The following CELF4 variants were observed in gnomAD, a reference collection of about 807,000 sequenced individuals.
CELF4 encodes CUG-BP- and ETR-3-like factor 4.
In CELF4, 18 loss-of-function variants were observed where a neutral mutation model predicts 59.9. That is an observed-to-expected ratio of 0.30 (90% CI 0.21 to 0.45). The LOEUF (loss-of-function observed/expected upper bound fraction) is 0.45. CELF4 is among the 20% of genes least tolerant of loss of function. The pLI, the probability that CELF4 is intolerant of heterozygous loss-of-function variation, is 1.00. For synonymous variants in CELF4, 261 were observed against 267.1 expected, an observed-to-expected ratio of 0.98 and a Z score of 0.22; for missense variants, 456 against 689.0, an observed-to-expected ratio of 0.66 and a Z score of 3.79.
chr18:37,488,500 G>A (rs1396462235), intron 1 of CELF4, among the ~76,000 whole-genome samples: 1 of 152,156 alleles, frequency 6.6e-6, no homozygotes, highest in Non-Finnish European at 1.5e-5. Context: ...AGCTGTTCAA[G>A]ATCTGTGGGC....
chr18:37,412,668 A>G (rs2099482678), intron 2 of CELF4, among the ~76,000 whole-genome samples: 1 of 152,112 alleles, frequency 6.6e-6, no homozygotes, highest in South Asian at 2.1e-4. Context: ...GGATGGATAG[A>G]TGAGTGCATG....
At chr18:37,550,656 C>T (rs528742722) in intron 1 of CELF4, among the ~76,000 whole-genome samples, 3 of 152,264 alleles carry the variant, frequency 2.0e-5, no homozygotes, top group Non-Finnish European at 2.9e-5. Flanking sequence ...TCAGCCCGTC[C>T]GCTGGCTGCC....
rs1569569541 is a variant in CELF4 at position 37,470,872 on chromosome 18, GTGTGTGT to G, written c.369+14646_369+14652del. ...TGTGTGTGTGTGTGTGTGTGTGTGT[GTGTGTGT>G]GTGTGTGTGACAGAGAGAGAGAGAG... On this transcript the variant is annotated intron_variant, in intron 2 of 12. Transcript: ENST00000420428. 9.7e-4 allele frequency among the ~76,000 whole-genome samples: 117 copies of G among 121,108 alleles called. 1 individual carries two copies. The highest frequency in any genetic ancestry group is 4.2e-3 in the Middle Eastern group (1 of 238). 79.5% of individuals were successfully genotyped at this position (121,108 alleles called of 152,430 possible). A position where few individuals can be genotyped will look rare whatever the true frequency, so the allele number is the denominator to read the frequency against.
intron 2 of CELF4, among the ~76,000 whole-genome samples, chr18:37,333,652 A>C (rs1603553069): frequency 1.3e-5 from 2 of 151,190 alleles, no homozygotes; most frequent in Non-Finnish European, 2.9e-5. Context: ...CCTCTCCTCC[A>C]CCCTGCCCCA....
chr18:37,448,419 C>A (rs1449525910), intron 2 of CELF4, among the ~76,000 whole-genome samples: 1 of 152,258 alleles, frequency 6.6e-6, no homozygotes, highest in Non-Finnish European at 1.5e-5. Flanking sequence ...TGCAGCCCCA[C>A]TGACAGCTGA....
chr18:37,499,377 G>T (rs943255324), intron 1 of CELF4, among the ~76,000 whole-genome samples: 9 of 152,220 alleles, frequency 5.9e-5, no homozygotes, highest in Non-Finnish European at 1.2e-4. Context: ...GGGAATGTGG[G>T]CTGGGGAGGG....
intron 2 of CELF4, among the ~76,000 whole-genome samples, chr18:37,464,537 C>A (rs2154602290): frequency 6.6e-6 from 1 of 152,330 alleles, no homozygotes; most frequent in African/African-American, 2.4e-5. Context: ...TTGTCCATTT[C>A]TGTCCCATGA....
intron 2 of CELF4, among the ~76,000 whole-genome samples, chr18:37,428,069 G>A (rs2099625207): frequency 6.6e-6 from 1 of 152,248 alleles, no homozygotes; most frequent in Non-Finnish European, 1.5e-5. Flanking sequence ...TGTTCTGGGA[G>A]CAGCAGCTAC....
At chr18:37,517,430 G>A (rs2099951955) in intron 1 of CELF4, among the ~76,000 whole-genome samples, 1 of 152,090 alleles carries the variant, frequency 6.6e-6, no homozygotes, top group Admixed American at 6.5e-5. Context: ...GGTCCTCCAG[G>A]AGCTGTCTGT....
In CELF4 at chr18:37,501,904, T is replaced by TG. The variant is rs1485887666; in HGVS notation, c.287-16298_287-16297insC. ...CCATTCCTCTCTTTCTCTCTCCATT[T>TG]TCCCCCTTCTCTCACCAAGGTTCTC... On this transcript the variant is annotated intron_variant, in intron 1 of 12. Coordinates refer to ENST00000420428, the MANE Select transcript of CELF4 (RefSeq NM_020180.4). Among the ~76,000 whole-genome samples the TG allele has an allele frequency of 3.3e-5, 5 of 152,164 alleles. No individual in the cohort carries two copies. The East Asian group carries it at 9.6e-4, about 29-fold the overall frequency.
rs187671448 is a variant in CELF4 at position 37,454,976 on chromosome 18, A to G, written c.369+30549T>C. Among the ~76,000 whole-genome samples, 861 of 152,284 alleles carry G rather than the reference A, an allele frequency of 5.7e-3. 7 individuals are homozygous for G. The highest frequency in any genetic ancestry group is 8.4e-3 in the Non-Finnish European group (569 of 68,026). The stretch of plus-strand genomic sequence containing the variant: ...CCCTAGAGTCAGCTCTGCCGTGGCC[A>G]AAGTCCCATCCCATCTCCCTAGTGA... On this transcript the variant is annotated intron_variant, in intron 2 of 12. Coordinates refer to ENST00000420428, the MANE Select transcript of CELF4 (RefSeq NM_020180.4).
intron 2 of CELF4, among the ~76,000 whole-genome samples, chr18:37,349,731 G>GGTCA (rs2098399016): frequency 6.6e-6 from 1 of 152,174 alleles, no homozygotes; most frequent in African/African-American, 2.4e-5. Context: ...CCAAGGATGT[G>GGTCA]CTCTAGGGTG....
intron 2 of CELF4, among the ~76,000 whole-genome samples, chr18:37,458,359 G>A (rs948186759): frequency 1.3e-5 from 2 of 152,208 alleles, no homozygotes; most frequent in Non-Finnish European, 2.9e-5. Flanking sequence ...TAGTAAGGAT[G>A]TACCACTAGT....
intron 3 of CELF4, among the ~76,000 whole-genome samples, chr18:37,311,178 A>C (rs752657618): frequency 1.1e-4 from 16 of 152,210 alleles, no homozygotes; most frequent in Non-Finnish European, 2.4e-4. Flanking sequence ...CAAAATGCAG[A>C]TCAATCAACA....
chr18:37,500,505 T>C (rs1452281838), intron 1 of CELF4, among the ~76,000 whole-genome samples: 2 of 148,660 alleles, frequency 1.3e-5, no homozygotes, highest in South Asian at 2.2e-4. Flanking sequence ...CTTTGCCTTC[T>C]AGCTCATTTT....
chr18:37,462,339 G>T (rs1244825142), intron 2 of CELF4, among the ~76,000 whole-genome samples: 1 of 152,204 alleles, frequency 6.6e-6, no homozygotes, highest in African/African-American at 2.4e-5. Context: ...AGCAAGCTGG[G>T]CTTCCCATTG....
At chr18:37,397,801 C>G (rs1426520781) in intron 2 of CELF4, among the ~76,000 whole-genome samples, 1 of 152,202 alleles carries the variant, frequency 6.6e-6, no homozygotes, top group Non-Finnish European at 1.5e-5. Flanking sequence ...TAGAGTGGAG[C>G]TGGGGCTCGA....
At chr18:37,473,378 C>T (rs2099839517) in intron 2 of CELF4, 1 of 152,142 alleles carries the variant, frequency 6.6e-6, no homozygotes, top group African/African-American at 2.4e-5. Context: ...CTGTGGAATG[C>T]CTGTGATGTG....
chr18:37,448,768 C>T (rs1036564380), intron 2 of CELF4, among the ~76,000 whole-genome samples: 2 of 152,234 alleles, frequency 1.3e-5, no homozygotes, highest in Non-Finnish European at 2.9e-5. Context: ...GTGCTCAGCC[C>T]ACTGCCTGGT....
Sources: allele counts gnomAD v4.1 joint callset (sites outside exome capture counted in the v4.1 genomes callset), GRCh38; gene constraint gnomAD v4.1.1; transcripts MANE v1.5; gene names NCBI Gene and HGNC (gene_info 2026-07-23, HGNC 2026-07-21).